Variants in XXYLT1 observed in about 807,000 individuals in gnomAD.
The protein encoded by XXYLT1 is xyloside xylosyltransferase 1.
In XXYLT1, 20 loss-of-function variants were observed where a neutral mutation model predicts 28.9. That is an observed-to-expected ratio of 0.69 (90% CI 0.49 to 1.00). The LOEUF is 1.00. XXYLT1 is among the 50% of genes least tolerant of loss of function. The pLI is 0.00. For missense variants in XXYLT1, 542 were observed against 560.1 expected, an observed-to-expected ratio of 0.97 and a Z score of 0.33; for synonymous variants, 257 against 253.8, an observed-to-expected ratio of 1.01 and a Z score of -0.12.
chr3:195,095,088 C>T (rs1380954445), intron 3 of XXYLT1, among the ~76,000 whole-genome samples: 1 of 152,212 alleles, frequency 6.6e-6, no homozygotes, highest in African/African-American at 2.4e-5. Flanking sequence ...GCAGGCCACA[C>T]TTTTGAGTAG....
Position 195,179,070 on chromosome 3 carries a change from G to A in XXYLT1, c.653-22489C>T, listed in dbSNP as rs765502091. Among the ~76,000 whole-genome samples, 10 of 152,182 alleles carry A rather than the reference G, an allele frequency of 6.6e-5. No homozygotes were observed. The East Asian group carries it at 9.7e-4, about 15-fold the overall frequency. The stretch of plus-strand genomic sequence containing the variant: ...AAGAACTCATGATGGGGCCGGGCGC[G>A]GTGGCTCACGCCTGTAATCCCAGCA... On this transcript the variant is annotated intron_variant, in intron 2 of 3. Coordinates refer to ENST00000310380, the MANE Select transcript of XXYLT1 (RefSeq NM_152531.5).
intron 2 of XXYLT1, among the ~76,000 whole-genome samples, chr3:195,198,070 G>A (rs935675900): frequency 4.6e-5 from 7 of 152,228 alleles, no homozygotes; most frequent in Admixed American, 3.3e-4. Context: ...CACAACAGAA[G>A]ATAATCCAAT....
chr3:195,091,278 A>G (rs543225911), intron 3 of XXYLT1, among the ~76,000 whole-genome samples: 3 of 130,348 alleles, frequency 2.3e-5, no homozygotes, highest in East Asian at 5.8e-4. Flanking sequence ...AAAATCCTCA[A>G]TAAAATACTG....
intron 1 of XXYLT1, among the ~76,000 whole-genome samples, chr3:195,268,404 C>A (rs1405285310): frequency 1.3e-5 from 2 of 151,052 alleles, no homozygotes; most frequent in Non-Finnish European, 2.9e-5. Flanking sequence ...GCACTCCAGC[C>A]TGGGCGACAA....
chr3:195,167,295 T>C (rs547522887), intron 2 of XXYLT1, among the ~76,000 whole-genome samples: 11 of 152,318 alleles, frequency 7.2e-5, no homozygotes, highest in African/African-American at 2.6e-4. Flanking sequence ...TCTAAATAAA[T>C]TATTACTATG....
rs1225903070 is a variant in XXYLT1, at chr3:195,256,836, T to A, written c.504+13719A>T. Among the ~76,000 whole-genome samples the A allele has an allele frequency of 4.6e-5, 7 of 152,246 alleles. No homozygotes were observed. Among genetic ancestry groups the A allele is most frequent in the Non-Finnish European group, 7.4e-5 (5 of 67,996 alleles). ...GCTGAAGTGAGCGCCCAGGGGCAGG[T>A]GCAGGCTGAAGAGCTTGCCCAGGGC... On this transcript the variant is annotated intron_variant, in intron 1 of 3. Coordinates refer to ENST00000310380, the MANE Select transcript of XXYLT1 (RefSeq NM_152531.5). This position sits in a 1 kb window ranked among gnomAD's most constrained non-coding sequence, Gnocchi z 4.2.
intron 3 of XXYLT1, among the ~76,000 whole-genome samples, chr3:195,120,022 C>T (rs888642559): frequency 8.5e-5 from 13 of 152,160 alleles, no homozygotes; most frequent in Non-Finnish European, 1.3e-4. Flanking sequence ...ACTGGGGTAC[C>T]GGCTGCCTGT....
chr3:195,138,872 A>AAAAC (rs1553808736), intron 3 of XXYLT1, among the ~76,000 whole-genome samples: 16 of 151,532 alleles, frequency 1.1e-4, no homozygotes, highest in African/African-American at 3.6e-4. Flanking sequence ...AAAAAAAAAA[A>AAAAC]AAAAAGAAAG....
intron 1 of XXYLT1, among the ~76,000 whole-genome samples, chr3:195,268,598 CACA>C (rs1560184724): frequency 2.1e-5 from 1 of 48,174 alleles, no homozygotes. Context: ...AACTCCATCT[CACA>C]AAAAAAAAAA....
At chr3:195,270,294 G>A (rs1030506721) in intron 1 of XXYLT1, 2 of 795,620 alleles carry the variant, frequency 2.5e-6, no homozygotes, top group Non-Finnish European at 3.7e-6. Context: ...CTCTCCTGGG[G>A]GCTGCGCTTA....
intron 1 of XXYLT1, among the ~76,000 whole-genome samples, chr3:195,252,727 C>CACAG (rs1191544595): frequency 9.3e-4 from 111 of 119,080 alleles, no homozygotes; most frequent in Middle Eastern, 4.3e-3. Flanking sequence ...CACACACACA[C>CACAG]AGAGAGAGAG....
intron 3 of XXYLT1, among the ~76,000 whole-genome samples, chr3:195,101,224 C>CCCCA (rs769570873): frequency 6.6e-6 from 1 of 152,268 alleles, no homozygotes; most frequent in Admixed American, 6.5e-5. Context: ...GGGCAGGTAC[C>CCCCA]CCCAGCTTGA....
intron 3 of XXYLT1, among the ~76,000 whole-genome samples, chr3:195,091,249 C>T: frequency 2.3e-5 from 3 of 131,130 alleles, no homozygotes; most frequent in African/African-American, 9.4e-5. Flanking sequence ...GACCAATATC[C>T]TTGATGAACA....
At chr3:195,118,850 C>A (rs1048816052) in intron 3 of XXYLT1, among the ~76,000 whole-genome samples, 1 of 152,180 alleles carries the variant, frequency 6.6e-6, no homozygotes, top group African/African-American at 2.4e-5. Flanking sequence ...AGTAAACTTT[C>A]GAAACGTAGT....
In XXYLT1 at chr3:195,256,177, C is replaced by T. The variant is rs1248784536; in HGVS notation, c.504+14378G>A. The stretch of plus-strand genomic sequence containing the variant: ...GCAGAGTGCTGAAGAATCAGCAAGC[C>T]GGACTCCAATCATGGCTCCGAGCAA... On this transcript the variant is annotated intron_variant, in intron 1 of 3. Coordinates refer to ENST00000310380, the MANE Select transcript of XXYLT1 (RefSeq NM_152531.5). The surrounding 1 kb of genome is among the most constrained non-coding windows in gnomAD (Gnocchi z 4.2). 1.3e-5 allele frequency among the ~76,000 whole-genome samples: 2 copies of T among 152,176 alleles called. No homozygotes were observed. The highest frequency in any genetic ancestry group is 2.4e-5 in the African/African-American group (1 of 41,438).
intron 1 of XXYLT1, among the ~76,000 whole-genome samples, chr3:195,245,665 C>A (rs1458077173): frequency 6.6e-6 from 1 of 152,176 alleles, no homozygotes; most frequent in African/African-American, 2.4e-5. Context: ...GTGTGATTCG[C>A]AACGCCGGAC....
intron 1 of XXYLT1, among the ~76,000 whole-genome samples, chr3:195,260,863 G>A (rs1725676299): frequency 6.6e-6 from 1 of 152,244 alleles, no homozygotes; most frequent in Non-Finnish European, 1.5e-5. Context: ...AGATGAGAGG[G>A]AAGCTGCACT....
rs1464218773 is a variant in XXYLT1, at chr3:195,256,516, C to G, written c.504+14039G>C. ...CACGGAAGCCTCACCTAGGGTCATT[C>G]CAGGGATTATCCCAGAAAGAGGGGA... is the stretch of plus-strand genomic sequence containing the variant. On this transcript the variant is annotated intron_variant, in intron 1 of 3. Coordinates refer to ENST00000310380, the MANE Select transcript of XXYLT1 (RefSeq NM_152531.5). The surrounding 1 kb of genome is among the most constrained non-coding windows in gnomAD (Gnocchi z 4.2). 3.0e-6 allele frequency: 3 copies of G among 985,264 alleles called. No individual in the cohort carries two copies. In the Admixed American group the frequency reaches 1.8e-4, roughly 61 times the overall value. 61.0% of individuals were successfully genotyped at this position (985,264 alleles called of 1,614,324 possible).
At position 195,135,162 on chromosome 3, in the gene XXYLT1, C is replaced by T. The variant is rs1282658187; in HGVS notation, c.785+21287G>A. Among the ~76,000 whole-genome samples, 5 of 152,100 alleles carry T rather than the reference C, an allele frequency of 3.3e-5. No individual in the cohort carries two copies. In the East Asian group the frequency reaches 7.7e-4, roughly 23 times the overall value. The stretch of plus-strand genomic sequence containing the variant: ...CACGTCCCCACTGTGGGAGGTGATC[C>T]GCTTGAGACTGACAGATCTGGGATG... On this transcript the variant is annotated intron_variant, in intron 3 of 3. Coordinates refer to ENST00000310380, the MANE Select transcript of XXYLT1 (RefSeq NM_152531.5).
Sources: gnomAD v4.1 joint callset for allele counts (sites outside exome capture counted in the v4.1 genomes callset) on GRCh38, gnomAD v4.1.1 for gene constraint, Gnocchi (gnomAD v3.1) non-coding constraint, MANE v1.5 for transcripts, NCBI Gene and HGNC (gene_info 2026-07-23, HGNC 2026-07-21) for gene names.